The following PCDHA1 variants were observed in gnomAD, a reference collection of about 807,000 sequenced individuals.
PCDHA1 encodes protocadherin alpha 1.
A neutral mutation model predicts 61.3 loss-of-function variants in PCDHA1; 42 were observed. That is an observed-to-expected ratio of 0.69 (90% CI 0.54 to 0.89). The LOEUF (loss-of-function observed/expected upper bound fraction) is 0.89. Ranked by LOEUF, PCDHA1 falls within the 40% of genes least tolerant of loss-of-function variation. PCDHA1 has a pLI of 0.00. For missense variants in PCDHA1, 1,256 were observed against 1,235.3 expected, an observed-to-expected ratio of 1.02 and a Z score of -0.25; for synonymous variants, 610 against 553.8, an observed-to-expected ratio of 1.10 and a Z score of -1.43.
At chr5:140,880,663 G>A (rs1324939406) in intron 1 of PCDHA1, among the ~76,000 whole-genome samples, 1 of 152,210 alleles carries the variant, frequency 6.6e-6, no homozygotes, top group African/African-American at 2.4e-5. Flanking sequence ...AGGTAAAGGT[G>A]AGAGTAAATT....
chr5:140,840,505 T>G (rs1776737088), intron 1 of PCDHA1, among the ~76,000 whole-genome samples: 1 of 152,026 alleles, frequency 6.6e-6, no homozygotes, highest in African/African-American at 2.4e-5. Flanking sequence ...AATACTCACT[T>G]TTTGGAGCAG....
At position 140,967,486 on chromosome 5, in the gene PCDHA1, G is replaced by A. The variant is rs782309199; in HGVS notation, c.2395-11463G>A. The A allele has an allele frequency of 2.5e-6, 4 of 1,612,986 alleles. No individual in the cohort carries two copies. The African/African-American group carries it at 4.0e-5, about 16-fold the overall frequency. ...GGGGCATCCCAGCCCGCTCGGGTAC[G>A]GCACAGATCTCTGTGCGTGTCCTGG... On this transcript the variant is annotated intron_variant, in intron 1 of 3. Coordinates refer to ENST00000504120, the MANE Select transcript of PCDHA1 (RefSeq NM_018900.4).
intron 1 of PCDHA1, chr5:140,862,735 G>T: frequency 1.7e-6 from 1 of 574,782 alleles, no homozygotes. Flanking sequence ...GTCTAGCTAT[G>T]TGTGGGTGCA....
chr5:140,851,376 G>A, intron 1 of PCDHA1: 1 of 976,392 alleles, frequency 1.0e-6, no homozygotes, highest in Non-Finnish European at 1.2e-6. Flanking sequence ...TGATTGTTCA[G>A]CAACCTTCAG....
rs2097783097 is a variant in PCDHA1, at chr5:140,997,727, C to T, written c.2543-11900C>T. Reference sequence around the variant, plus strand: ...TAACAAACACCTTTCTACGTCAGTACATATAGATTTGCCACAATCTTCTTG... The same window carrying T: ...TAACAAACACCTTTCTACGTCAGTATATATAGATTTGCCACAATCTTCTTG... On this transcript the variant is annotated intron_variant, in intron 3 of 3. Coordinates refer to ENST00000504120, the MANE Select transcript of PCDHA1 (RefSeq NM_018900.4). Among the ~76,000 whole-genome samples the T allele has an allele frequency of 2.0e-5, 3 of 151,244 alleles. No individual in the cohort carries two copies. In the South Asian group the frequency reaches 6.3e-4, roughly 32 times the overall value.
chr5:140,842,127 C>T (rs2150329918), intron 1 of PCDHA1: 1 of 1,613,572 alleles, frequency 6.2e-7, no homozygotes, highest in Non-Finnish European at 8.5e-7. Flanking sequence ...GCTTCTGATC[C>T]GGATGAAGGA....
At chr5:140,835,676 C>T (rs1554135187) in intron 1 of PCDHA1, 1 of 1,613,896 alleles carries the variant, frequency 6.2e-7, no homozygotes. Flanking sequence ...GGGACGGGGG[C>T]TCGCCTTCTC....
intron 1 of PCDHA1, among the ~76,000 whole-genome samples, chr5:140,832,806 T>C (rs1420120359): frequency 2.0e-5 from 3 of 152,174 alleles, no homozygotes; most frequent in Non-Finnish European, 2.9e-5. Context: ...GTTATTGGAA[T>C]TGGAAAAAAA....
At chr5:140,848,437 A>C in intron 1 of PCDHA1, 1 of 1,473,718 alleles carries the variant, frequency 6.8e-7, no homozygotes, top group Non-Finnish European at 9.3e-7. Context: ...ACGAAATCAG[A>C]TGATTTCTTC....
chr5:140,848,422 G>A lies in PCDHA1; in HGVS notation c.2394+59738G>A, dbSNP rs143939535. 1,502 of 1,425,074 alleles carry A rather than the reference G, an allele frequency of 1.1e-3. 85 individuals are homozygous for A. The African/African-American group carries it at 0.018, about 17-fold the overall frequency. 88.3% of individuals were successfully genotyped at this position (1,425,074 alleles called of 1,614,324 possible). ...AACGATGGCGAACACAGCAGAATGG[G>A]ACTGACGAAATCAGATGATTTCTTC... On this transcript the variant is annotated intron_variant, in intron 1 of 3. Transcript: ENST00000504120.
intron 1 of PCDHA1, among the ~76,000 whole-genome samples, chr5:140,790,198 A>G (rs1554118502): frequency 6.6e-6 from 1 of 152,218 alleles, no homozygotes; most frequent in Non-Finnish European, 1.5e-5. Context: ...TGAGAAATAT[A>G]CTGGGCAGCA....
At chr5:140,981,824 C>T (rs1350256595) in intron 2 of PCDHA1, among the ~76,000 whole-genome samples, 4 of 152,108 alleles carry the variant, frequency 2.6e-5, no homozygotes, top group African/African-American at 7.2e-5. Flanking sequence ...CTCTGCTTGC[C>T]TCTAAAGGTC....
intron 1 of PCDHA1, chr5:140,801,454 T>C (rs1762710977): frequency 1.2e-6 from 2 of 1,613,846 alleles, no homozygotes; most frequent in South Asian, 1.1e-5. Flanking sequence ...ATTTTGTTTG[T>C]GAATTCTCGG....
At position 140,787,540 on chromosome 5, in the gene PCDHA1, G is replaced by A; in HGVS notation, c.1250G>A (p.Ser417Asn). The change falls in exon 1 of 4, where the codon AGC becomes AAC. Residue 417 changes from serine to asparagine, a missense_variant. Physicochemically the swap from Ser to Asn is conservative, Grantham distance 46 (BLOSUM62 1). Transcript: ENST00000504120. ...LVLDSALDRE[S>N]LSVYELVVTA... The stretch of plus-strand genomic sequence containing the variant: ...TTGGACAGCGCCCTGGATCGCGAGA[G>A]CCTGTCGGTCTATGAGCTGGTGGTG... The A allele has an allele frequency of 1.2e-6, 2 of 1,614,234 alleles. No homozygotes were observed. Among genetic ancestry groups the A allele is most frequent in the South Asian group, 2.2e-5 (2 of 91,086 alleles).
intron 1 of PCDHA1, among the ~76,000 whole-genome samples, chr5:140,942,138 T>C (rs1269073266): frequency 1.3e-5 from 2 of 152,240 alleles, no homozygotes; most frequent in African/African-American, 4.8e-5. Flanking sequence ...TTTGTGGCTT[T>C]ACTTGACATA....
At chr5:140,920,842 A>T (rs1377558160) in intron 1 of PCDHA1, among the ~76,000 whole-genome samples, 3 of 127,576 alleles carry the variant, frequency 2.4e-5, no homozygotes, top group Non-Finnish European at 5.0e-5. Context: ...GACCAAATCT[A>T]AAAAAAAAAA....
At chr5:140,946,516 C>T (rs551838143) in intron 1 of PCDHA1, among the ~76,000 whole-genome samples, 42 of 151,130 alleles carry the variant, frequency 2.8e-4, no homozygotes, top group African/African-American at 8.3e-4. Flanking sequence ...AAGACCTATC[C>T]GCACTCCCAT....
At chr5:140,828,396 G>A in intron 1 of PCDHA1, 1 of 1,614,278 alleles carries the variant, frequency 6.2e-7, no homozygotes, top group Non-Finnish European at 8.5e-7. Flanking sequence ...AGCGCGGAGT[G>A]CAGCATCCAC....
intron 3 of PCDHA1, among the ~76,000 whole-genome samples, chr5:140,998,571 T>G (rs2097822082): frequency 1.0e-5 from 1 of 96,286 alleles, no homozygotes; most frequent in African/African-American, 3.7e-5. Flanking sequence ...GTAAATAAGT[T>G]TTTTTTTTTT....
Sources: gnomAD v4.1 joint callset for allele counts (sites outside exome capture counted in the v4.1 genomes callset) on GRCh38, gnomAD v4.1.1 for gene constraint, MANE v1.5 for transcripts, NCBI Gene and HGNC (gene_info 2026-07-23, HGNC 2026-07-21) for gene names.